The following BIRC6 variants were observed in gnomAD, a reference collection of about 807,000 sequenced individuals.
The protein encoded by BIRC6 is baculoviral IAP repeat containing 6.
A neutral mutation model predicts 503.3 loss-of-function variants in BIRC6; 98 were observed. That is an observed-to-expected ratio of 0.19 (90% confidence interval 0.17 to 0.23). BIRC6 has a LOEUF of 0.23. BIRC6 is among the 10% of genes least tolerant of loss of function. The pLI is 1.00. For synonymous variants in BIRC6, 2,240 were observed against 2,078.7 expected (o/e 1.08, Z -2.11); for missense variants, 5,360 against 5,806.0 (o/e 0.92, Z 2.50).
chr2:32,591,086 T>G, intron 66 of BIRC6: 4 of 579,832 alleles, frequency 6.9e-6, no homozygotes, highest in Non-Finnish European at 8.7e-6. Context: ...AATGACTAGT[T>G]AGAATCATTG....
chr2:32,596,072 TTTA>T (rs2061653731), intron 68 of BIRC6, among the ~76,000 whole-genome samples: 1 of 152,194 alleles, frequency 6.6e-6, no homozygotes, highest in South Asian at 2.1e-4. Context: ...AACCAAATAC[TTTA>T]TTTCATTTAT....
chr2:32,538,312 A>G lies in BIRC6; in HGVS notation c.12292-4929A>G, dbSNP rs190568678. Among the ~76,000 whole-genome samples the G allele has an allele frequency of 2.6e-3, 395 of 152,314 alleles. 6 individuals carry two copies. The highest frequency in any genetic ancestry group is 9.3e-3 in the African/African-American group (387 of 41,572). ...GGCATTTTGAGAGCAGGCATGAACT[A>G]GAATGCTGAAAAAGCTGTGCAGAGA... On this transcript the variant is annotated intron_variant, in intron 61 of 73. Coordinates refer to ENST00000421745, the MANE Select transcript of BIRC6 (RefSeq NM_016252.4).
chr2:32,557,243 A>G (rs938878031), intron 65 of BIRC6: 4 of 152,198 alleles, frequency 2.6e-5, no homozygotes, highest in Non-Finnish European at 5.9e-5. Flanking sequence ...TCATTTTTCT[A>G]AACATTTTCA....
chr2:32,577,134 C>T (rs1042781335), intron 66 of BIRC6, among the ~76,000 whole-genome samples: 3 of 152,150 alleles, frequency 2.0e-5, no homozygotes, highest in African/African-American at 7.2e-5. Context: ...GAGCTAATGC[C>T]TCCTTGAGAA....
At chr2:32,470,625 C>T (rs2049002847) in intron 31 of BIRC6, among the ~76,000 whole-genome samples, 1 of 152,172 alleles carries the variant, frequency 6.6e-6, no homozygotes, top group Admixed American at 6.5e-5. Context: ...TGTTTGAACA[C>T]ACTTTTTTAT....
At position 32,531,401 on chromosome 2, in the gene BIRC6, T is replaced by C. The variant is rs1471062501; in HGVS notation, c.12141T>C (p.Thr4047=). 1.2e-6 allele frequency: 2 copies of C among 1,613,760 alleles called. No individual in the cohort carries two copies. The highest frequency in any genetic ancestry group is 1.3e-5 in the African/African-American group (1 of 74,926). The part of the protein sequence containing the change: ...LASCPEDEAL[T]PGDECMDGIL... ...GCTGTCCAGAAGATGAGGCTCTCAC[T>C]CCAGGTGATGAATGCATGGATGGGA... The change falls in exon 61 of 74, where the codon ACT becomes ACC. Residue 4047 remains threonine (T), a synonymous_variant. Transcript: ENST00000421745.
At position 32,498,851 on chromosome 2, in the gene BIRC6, T is replaced by A. The variant is rs539582456; in HGVS notation, c.8469-696T>A. On this transcript the variant is annotated intron_variant, in intron 45 of 73. Transcript: ENST00000421745. ...GCCTTAGTCTCCTGAGTAGCTGGAA[T>A]TAACAGTCACATGCCATCATGCCTG... is the stretch of plus-strand genomic sequence containing the variant. Among the ~76,000 whole-genome samples the A allele has an allele frequency of 3.6e-4, 55 of 152,300 alleles. 1 individual carries two copies. Among genetic ancestry groups the A allele is most frequent in the African/African-American group, 1.3e-3 (53 of 41,584 alleles).
chr2:32,607,113 A>T (rs1158606598), intron 71 of BIRC6, among the ~76,000 whole-genome samples: 1 of 152,076 alleles, frequency 6.6e-6, no homozygotes, highest in Admixed American at 6.5e-5. Context: ...CAACTAAAAA[A>T]AAAATAAACT....
chr2:32,412,273 C>T (rs2041968233), intron 9 of BIRC6, among the ~76,000 whole-genome samples: 1 of 152,202 alleles, frequency 6.6e-6, no homozygotes, highest in Non-Finnish European at 1.5e-5. Context: ...CCGAGGTGGG[C>T]AGATCACGAG....
At chr2:32,612,272 G>T (rs2062930288) in intron 73 of BIRC6, among the ~76,000 whole-genome samples, 1 of 152,192 alleles carries the variant, frequency 6.6e-6, no homozygotes, top group South Asian at 2.1e-4. Context: ...TTCTCCCTCA[G>T]CTGATGGTGG....
At chr2:32,513,228 A>AT (rs2054615531) in intron 54 of BIRC6, 74 bp downstream of exon 54, 1 of 1,061,768 alleles carries the variant, frequency 9.4e-7, no homozygotes, top group African/African-American at 1.6e-5. Context: ...AAAACAAAAT[A>AT]TTTTACATGT....
At chr2:32,612,055 T>C (rs1018034442) in intron 73 of BIRC6, among the ~76,000 whole-genome samples, 2 of 152,126 alleles carry the variant, frequency 1.3e-5, no homozygotes, top group Admixed American at 1.3e-4. Flanking sequence ...TTTTTTATTT[T>C]CAATTTTGTA....
intron 71 of BIRC6, among the ~76,000 whole-genome samples, chr2:32,603,758 C>G (rs569688727): frequency 6.6e-6 from 1 of 151,884 alleles, no homozygotes; most frequent in Admixed American, 6.6e-5. Context: ...ACGAAAGGGA[C>G]AGTAAATTTG....
chr2:32,404,292 G>GA (rs2040942028), intron 8 of BIRC6, among the ~76,000 whole-genome samples: 1 of 151,904 alleles, frequency 6.6e-6, no homozygotes, highest in South Asian at 2.1e-4. Context: ...TCATGTAAGT[G>GA]TACAATTTAG....
At chr2:32,411,870 G>A (rs1004665024) in intron 9 of BIRC6, among the ~76,000 whole-genome samples, 1 of 152,170 alleles carries the variant, frequency 6.6e-6, no homozygotes, top group Non-Finnish European at 1.5e-5. Context: ...CAGATCAGTG[G>A]AAAGAATTTT....
intron 59 of BIRC6, chr2:32,527,689 G>A (rs1222192864): frequency 6.6e-6 from 1 of 152,462 alleles, no homozygotes; most frequent in Non-Finnish European, 1.5e-5. Context: ...AATGATGTCT[G>A]ACCTCCTTAC....
intron 53 of BIRC6, among the ~76,000 whole-genome samples, 180 bp downstream of exon 53, chr2:32,510,814 A>G (rs3731579): frequency 0.22 from 33,015 of 152,164 alleles, 3,687 homozygotes; most frequent in Admixed American, 0.29. Context: ...TTAGACATAC[A>G]TTTGTATGTG....
rs189925977 is a variant in BIRC6 at position 32,609,600 on chromosome 2, C to A, written c.14260-1848C>A. Among the ~76,000 whole-genome samples, 948 of 152,100 alleles carry A rather than the reference C, an allele frequency of 6.2e-3. 14 individuals are homozygous for A. Among genetic ancestry groups the A allele is most frequent in the African/African-American group, 0.021 (880 of 41,482 alleles). On this transcript the variant is annotated intron_variant, in intron 72 of 73. Coordinates refer to ENST00000421745, the MANE Select transcript of BIRC6 (RefSeq NM_016252.4). The stretch of plus-strand genomic sequence containing the variant: ...TGAAGCCACCTCCTTCATCAGATAG[C>A]ACTGATGAATATTTCTTTTTCTTTG...
intron 22 of BIRC6, among the ~76,000 whole-genome samples, chr2:32,452,059 A>G (rs1353211092): frequency 6.6e-6 from 1 of 152,226 alleles, no homozygotes; most frequent in Non-Finnish European, 1.5e-5. Context: ...AAGATTTCAG[A>G]TACCACATTG....
Sources: gnomAD v4.1 joint callset for allele counts (sites outside exome capture counted in the v4.1 genomes callset) on GRCh38, gnomAD v4.1.1 for gene constraint, MANE v1.5 for transcripts, NCBI Gene and HGNC (gene_info 2026-07-23, HGNC 2026-07-21) for gene names.